ARFGAP2: variants seen among roughly 807,000 people sequenced by gnomAD.
ARFGAP2 encodes the protein ARF GTPase activating protein 2.
Under a neutral mutation model 71.9 loss-of-function variants are expected in ARFGAP2, and 45 were observed. The observed-to-expected ratio is 0.63, with a 90% CI of 0.49 to 0.80. The LOEUF (loss-of-function observed/expected upper bound fraction) is 0.80. Among genes scored for constraint, ARFGAP2 ranks in the 30% least tolerant of loss-of-function variants. ARFGAP2 has a pLI of 0.00. For synonymous variants in ARFGAP2, 248 were observed against 249.2 expected (o/e 1.00, Z 0.05); for missense variants, 633 against 673.9 (o/e 0.94, Z 0.67).
chr11:47,171,757 T>C lies in ARFGAP2; in HGVS notation c.716A>G (p.Gln239Arg), dbSNP rs765702471. 3.7e-6 allele frequency: 6 copies of C among 1,613,936 alleles called. No homozygotes were observed. In the Admixed American group the frequency reaches 5.0e-5, roughly 13 times the overall value. ...CTGCCGCTCAATCTCACTGAAGCTC[T>C]GGCTGCTCACCTTCTGGGCCCCTAG... is the stretch of plus-strand genomic sequence containing the variant. ...KGLGAQKVSS[Q>R]SFSEIERQAQ... Residue 239 changes from glutamine (Q) to arginine (R), a missense_variant, in exon 9 of 16, where the codon CAG becomes CGG. Coordinates refer to ENST00000524782, the MANE Select transcript of ARFGAP2 (RefSeq NM_032389.6).
In ARFGAP2 at chr11:47,165,499, G is replaced by C. The variant is rs11542794; in HGVS notation, c.1549C>G (p.Arg517Gly). ...AGCTCGGATCAGTAGGAACCGTAGC[G>C]ATCCTGGGGGCGAGGGGGGAGAAAA... ...ANGVMNSLQD[R>G]YGSY The change falls in exon 16 of 16, where the codon CGC (arginine) becomes GGC (glycine). Residue 517 changes from arginine (R) to glycine (G), a missense_variant. By Grantham distance (125) the Arg-to-Gly change is moderately radical. Coordinates refer to ENST00000524782, the MANE Select transcript of ARFGAP2 (RefSeq NM_032389.6). 7.0e-5 allele frequency: 109 copies of C among 1,563,344 alleles called. No homozygotes were observed. Among genetic ancestry groups the C allele is most frequent in the Middle Eastern group, 1.7e-4 (1 of 5,830 alleles).
chr11:47,168,819 G>T (rs1328707185), intron 10 of ARFGAP2, among the ~76,000 whole-genome samples: 1 of 152,046 alleles, frequency 6.6e-6, no homozygotes, highest in Non-Finnish European at 1.5e-5. Flanking sequence ...CACTGTGCCT[G>T]GCTCGTGTTG....
intron 7 of ARFGAP2, 41 bp from the exon 8 acceptor site, chr11:47,172,374 G>A (rs778892679): frequency 4.9e-5 from 78 of 1,607,276 alleles, no homozygotes; most frequent in Non-Finnish European, 6.6e-5. Flanking sequence ...GACAAAGGCA[G>A]CTCAGAGGCA....
rs1030825776 is a variant in ARFGAP2, at chr11:47,173,415, G to C, written c.619+11C>G. On this transcript the variant is annotated intron_variant, in intron 7 of 15. Transcript: ENST00000524782. ...CCCAGACACCCCACGCCTGCCCGCT[G>C]GCATACTGACCCAGTGAGGCTTTGG... is the stretch of plus-strand genomic sequence containing the variant. 1 of 1,553,478 alleles carries C rather than the reference G, an allele frequency of 6.4e-7. No homozygotes were observed. Among genetic ancestry groups the C allele is most frequent in the African/African-American group, 1.4e-5 (1 of 73,332 alleles).
chr11:47,173,395 A>T (rs1184783477), intron 7 of ARFGAP2, 31 bp downstream of exon 7: 1 of 1,551,578 alleles, frequency 6.4e-7, no homozygotes, highest in African/African-American at 1.4e-5. Flanking sequence ...CCTCTCCCAG[A>T]CACCCCACGC....
chr11:47,174,085 A>G (rs557379031), intron 5 of ARFGAP2: 2 of 618,392 alleles, frequency 3.2e-6, no homozygotes, highest in Non-Finnish European at 5.5e-6. Flanking sequence ...ACTTAAAGAC[A>G]GTTAACTACC....
Position 47,171,730 on chromosome 11 carries a change from G to A in ARFGAP2, c.743C>T (p.Ala248Val), listed in dbSNP as rs1370393106. 6.2e-7 allele frequency: 1 copy of A among 1,613,948 alleles called. No homozygotes were observed. Among genetic ancestry groups the A allele is most frequent in the Admixed American group, 1.7e-5 (1 of 60,024 alleles). The change falls in exon 9 of 16, where the codon GCT becomes GTT. Residue 248 changes from alanine to valine, a missense_variant. Coordinates refer to ENST00000524782, the MANE Select transcript of ARFGAP2 (RefSeq NM_032389.6). ...SQSFSEIERQ[A>V]QVAEKLREQQ... ...CTCACGGAGCTTCTCTGCCACCTGA[G>A]CCTGCCGCTCAATCTCACTGAAGCT... is the stretch of plus-strand genomic sequence containing the variant.
chr11:47,172,442 C>T, intron 7 of ARFGAP2, 109 bp from the exon 8 acceptor site: 1 of 1,332,610 alleles, frequency 7.5e-7, no homozygotes, highest in Non-Finnish European at 1.1e-6. Context: ...CAGCTTCAGG[C>T]AAGGGAAGGC....
chr11:47,171,861 T>G, intron 8 of ARFGAP2, 61 bp from the exon 9 acceptor site: 2 of 1,593,434 alleles, frequency 1.3e-6, no homozygotes. Context: ...CCCTCCCAGG[T>G]TCAGGCACTG....
At position 47,164,440 on chromosome 11, in the gene ARFGAP2, GCCCAACCTACAAC is replaced by G. The variant is rs537769417; in HGVS notation, c.*1029_*1041del. 7 of 596,900 alleles carry G rather than the reference GCCCAACCTACAAC, an allele frequency of 1.2e-5. No individual in the cohort carries two copies. In the South Asian group the frequency reaches 1.8e-4, roughly 16 times the overall value. The allele number at this position is 596,900 out of a possible 1,614,324, so 37.0% of individuals were successfully genotyped here. A position where few individuals can be genotyped will look rare whatever the true frequency, so the allele number is the denominator to read the frequency against. On this transcript the variant is annotated 3_prime_UTR_variant, in exon 16 of 16. Transcript: ENST00000524782. Reference sequence around the variant, plus strand: ...GAAGAGTGGTCTGTGTTGCTTGGGAGCCCAACCTACAACCCAAAGGTGGGGGCTGGGCTGAGAC... The same window carrying G: ...GAAGAGTGGTCTGTGTTGCTTGGGAGCCAAAGGTGGGGGCTGGGCTGAGAC...
Position 47,175,316 on chromosome 11 carries a change from G to C in ARFGAP2, c.265-3C>G. 6.2e-7 allele frequency: 1 copy of C among 1,614,106 alleles called. No individual in the cohort carries two copies. Among genetic ancestry groups the C allele is most frequent in the Non-Finnish European group, 8.5e-7 (1 of 1,180,016 alleles). ...CCATGTTGGCGAAAAAAAGCCGTCT[G>C]GAGAGCAAAGAAGAGAGCAGCGCGT... On this transcript the variant is annotated splice_region_variant and splice_polypyrimidine_tract_variant and intron_variant, in intron 3 of 15. Coordinates refer to ENST00000524782, the MANE Select transcript of ARFGAP2 (RefSeq NM_032389.6).
chr11:47,166,202 T>C (rs907949557), intron 15 of ARFGAP2, 66 bp downstream of exon 15: 2 of 1,502,750 alleles, frequency 1.3e-6, no homozygotes, highest in African/African-American at 1.4e-5. Context: ...GCAGTAGCAG[T>C]GTCTCTATGT....
At chr11:47,174,959 C>G (rs1374723447) in intron 5 of ARFGAP2, 56 bp downstream of exon 5, 13 of 1,576,494 alleles carry the variant, frequency 8.2e-6, no homozygotes, top group Non-Finnish European at 1.7e-6. Context: ...AGGCCTGGGC[C>G]TTGGTAAATT....
chr11:47,169,009 T>C (rs1952496275), intron 10 of ARFGAP2, among the ~76,000 whole-genome samples: 1 of 151,050 alleles, frequency 6.6e-6, no homozygotes, highest in Non-Finnish European at 1.5e-5. Context: ...TTCATCATCC[T>C]ACTCTTTATT....
chr11:47,165,515 G>T lies in ARFGAP2; in HGVS notation c.1546-13C>A. ...AACCGTAGCGATCCTGGGGGCGAGGGGGGAGAAAAAAAAAAAAAAAGTCAG... is the reference window on the plus strand; with the variant it reads ...AACCGTAGCGATCCTGGGGGCGAGGTGGGAGAAAAAAAAAAAAAAAGTCAG... On this transcript the variant is annotated splice_polypyrimidine_tract_variant and intron_variant, in intron 15 of 15. Transcript: ENST00000524782. The T allele has an allele frequency of 6.5e-7, 1 of 1,534,140 alleles. No individual in the cohort carries two copies.
intron 6 of ARFGAP2, 55 bp from the exon 7 acceptor site, chr11:47,173,537 C>A: frequency 6.6e-7 from 1 of 1,511,808 alleles, no homozygotes. Flanking sequence ...TGCAACCTCC[C>A]CTTGAAAGAA....
intron 10 of ARFGAP2, among the ~76,000 whole-genome samples, chr11:47,170,724 G>A (rs757520470): frequency 6.6e-6 from 1 of 152,086 alleles, no homozygotes; most frequent in Non-Finnish European, 1.5e-5. Context: ...TGAAGCCAAG[G>A]TACTTAAACC....
In ARFGAP2 at chr11:47,165,648, G is replaced by A. The variant is rs527947737; in HGVS notation, c.1546-146C>T. ...ACAGCCCGGTGAGGCAGGAGTCCAC[G>A]GTGAGAGCTGGGGCAGCGGCCACTC... is the stretch of plus-strand genomic sequence containing the variant. On this transcript the variant is annotated intron_variant, in intron 15 of 15. Transcript: ENST00000524782. 1.9e-4 allele frequency: 158 copies of A among 851,686 alleles called. No homozygotes were observed. In the African/African-American group the frequency reaches 2.4e-3, roughly 13 times the overall value. 52.8% of individuals were successfully genotyped at this position (851,686 alleles called of 1,614,324 possible).
In ARFGAP2 at chr11:47,171,735, C is replaced by T. The variant is rs764317090; in HGVS notation, c.738G>A (p.Arg246=). 9 of 1,613,840 alleles carry T rather than the reference C, an allele frequency of 5.6e-6. No individual in the cohort carries two copies. In the Admixed American group the frequency reaches 1.5e-4, roughly 27 times the overall value. ...VSSQSFSEIE[R]QAQVAEKLRE... ...GGAGCTTCTCTGCCACCTGAGCCTG[C>T]CGCTCAATCTCACTGAAGCTCTGGC... Residue 246 remains arginine, a synonymous_variant, in exon 9 of 16, where the codon CGG becomes CGA. Transcript: ENST00000524782.
Sources: gnomAD v4.1 joint callset for allele counts (sites outside exome capture counted in the v4.1 genomes callset) on GRCh38, gnomAD v4.1.1 for gene constraint, MANE v1.5 for transcripts, NCBI Gene and HGNC (gene_info 2026-07-23, HGNC 2026-07-21) for gene names.